Variants in CFAP91 observed in about 807,000 individuals in gnomAD.
CFAP91 encodes the protein cilia and flagella associated protein 91.
Under a neutral mutation model 95.9 loss-of-function variants are expected in CFAP91, and 85 were observed. The ratio of observed to expected loss-of-function variants is 0.89; its 90% CI spans 0.74 to 1.06. CFAP91 has a LOEUF of 1.06. CFAP91 is among the 50% of genes least tolerant of loss of function. The pLI is 0.00. For synonymous variants in CFAP91, 335 were observed against 327.5 expected, an observed-to-expected ratio of 1.02 and a Z score of -0.25; for missense variants, 962 against 943.4, an observed-to-expected ratio of 1.02 and a Z score of -0.26.
chr3:119,761,566 T>G (rs539428513), intron 17 of CFAP91, among the ~76,000 whole-genome samples: 57 of 151,900 alleles, frequency 3.8e-4, no homozygotes, highest in Non-Finnish European at 3.4e-4. Context: ...CCAATATCCC[T>G]GATTAACGTG....
At chr3:119,733,605 A>T in intron 10 of CFAP91, 99 bp downstream of exon 10, 1 of 1,221,546 alleles carries the variant, frequency 8.2e-7, no homozygotes, top group Middle Eastern at 2.1e-4. Context: ...GGTCAAACAT[A>T]GACCTACATT....
intron 17 of CFAP91, 70 bp downstream of exon 17, chr3:119,751,168 T>C: frequency 6.7e-7 from 1 of 1,490,118 alleles, no homozygotes. Context: ...AGCTTTGTGC[T>C]GTGCTCAAAC....
At chr3:119,713,521 T>C (rs890988089) in intron 5 of CFAP91, among the ~76,000 whole-genome samples, 2 of 152,158 alleles carry the variant, frequency 1.3e-5, no homozygotes, top group Admixed American at 6.5e-5. Flanking sequence ...CTCTTTGTTT[T>C]TGCCTTCATC....
At chr3:119,757,102 T>C (rs2054445936) in intron 17 of CFAP91, among the ~76,000 whole-genome samples, 2 of 152,062 alleles carry the variant, frequency 1.3e-5, no homozygotes, top group Non-Finnish European at 2.9e-5. Flanking sequence ...TATAGCAATA[T>C]TCATATCAAA....
Position 119,703,221 on chromosome 3 carries a change from C to A in CFAP91, c.123C>A (p.Tyr41Ter). Residue 41 changes from tyrosine (Y) to a stop codon, truncating the protein, a stop_gained and splice_region_variant, in exon 1 of 18, where the codon TAC becomes TAA. Transcript: ENST00000273390. LOFTEE classifies it high-confidence loss of function. ...CCAATCGAGCGTATGATTTTCTGTA[C>A]GGTAAGGACCGCCGCAGACCTTCCT... ...ISSNRAYDFLYDPLFIVSSEK... is the reference protein window; with the variant it reads ...ISSNRAYDFL 6.2e-7 allele frequency: 1 copy of A among 1,611,650 alleles called. No individual in the cohort carries two copies. Among genetic ancestry groups the A allele is most frequent in the South Asian group, 1.1e-5 (1 of 90,512 alleles).
intron 5 of CFAP91, among the ~76,000 whole-genome samples, chr3:119,713,433 A>T (rs1250808550): frequency 2.7e-5 from 4 of 149,006 alleles, no homozygotes; most frequent in Admixed American, 6.7e-5. Context: ...TTTTTTTTTT[A>T]AACATCTTTG....
rs1411231235 is a variant in CFAP91, at chr3:119,715,694, A to G, written c.633A>G (p.Val211=). 1 of 1,613,940 alleles carries G rather than the reference A, an allele frequency of 6.2e-7. No homozygotes were observed. Among genetic ancestry groups the G allele is most frequent in the African/African-American group, 1.3e-5 (1 of 74,920 alleles). The change falls in exon 6 of 18, where the codon GTA becomes GTG. Residue 211 remains valine, a synonymous_variant. Coordinates refer to ENST00000273390, the MANE Select transcript of CFAP91 (RefSeq NM_033364.4). ...ATCCATACTCTGCAGAATATGTAGT[A>G]TGTCAGGACTCAATCCCTGAGCTCT... ...QTDPYSAEYV[V]CQDSIPELLT... is the part of the protein sequence containing the mutation.
At chr3:119,749,515 C>G (rs964844059) in intron 16 of CFAP91, among the ~76,000 whole-genome samples, 8 of 151,576 alleles carry the variant, frequency 5.3e-5, no homozygotes, top group African/African-American at 1.9e-4. Context: ...AGAATGAGAC[C>G]CTGTCTAAAA....
At chr3:119,707,155 G>A (rs2107852087) in intron 2 of CFAP91, 3 of 540,542 alleles carry the variant, frequency 5.5e-6, no homozygotes, top group Non-Finnish European at 9.8e-6. Context: ...AAGAATTCAA[G>A]TAGTATAAAA....
Position 119,744,188 on chromosome 3 carries a change from T to A in CFAP91, c.1894T>A (p.Phe632Ile). 1 of 1,610,546 alleles carries A rather than the reference T, an allele frequency of 6.2e-7. No homozygotes were observed. The highest frequency in any genetic ancestry group is 8.5e-7 in the Non-Finnish European group (1 of 1,177,666). The change falls in exon 14 of 18, where the codon TTT (phenylalanine) becomes ATT (isoleucine). Residue 632 changes from phenylalanine (F) to isoleucine (I), a missense_variant. Physicochemically the swap from Phe to Ile is conservative, Grantham distance 21. Transcript: ENST00000273390. The part of the protein sequence containing the change: ...KQRLREEDEI[F>I]KEVVKVHHST... ...GCGCCTGCGGGAGGAGGACGAGATATTTAAGGAGGCAAGTAGGGGCAGCTG... is the reference window on the plus strand; with the variant it reads ...GCGCCTGCGGGAGGAGGACGAGATAATTAAGGAGGCAAGTAGGGGCAGCTG...
chr3:119,752,792 A>C (rs947027527), intron 17 of CFAP91, among the ~76,000 whole-genome samples: 1 of 152,224 alleles, frequency 6.6e-6, no homozygotes, highest in Non-Finnish European at 1.5e-5. Flanking sequence ...AATATATTTC[A>C]TTAAAGCCTA....
chr3:119,725,208 A>G (rs79040714), intron 6 of CFAP91, among the ~76,000 whole-genome samples: 5,507 of 152,240 alleles, frequency 0.036, 312 homozygotes, highest in African/African-American at 0.13. Context: ...GGTGCTAGGC[A>G]CCTAAGTGTG....
intron 17 of CFAP91, among the ~76,000 whole-genome samples, chr3:119,764,375 T>C (rs186898222): frequency 6.6e-4 from 101 of 152,266 alleles, no homozygotes; most frequent in African/African-American, 2.3e-3. Context: ...CATACTGTTA[T>C]ATAAAATTTA....
intron 12 of CFAP91, 33 bp downstream of exon 12, chr3:119,739,359 T>C (rs1577230071): frequency 6.2e-7 from 1 of 1,600,550 alleles, no homozygotes; most frequent in East Asian, 2.2e-5. Flanking sequence ...CCTGCATTTC[T>C]CTTTTGAGAA....
intron 1 of CFAP91, among the ~76,000 whole-genome samples, chr3:119,704,861 T>C (rs147243042): frequency 2.9e-4 from 44 of 152,364 alleles, no homozygotes; most frequent in African/African-American, 9.9e-4. Flanking sequence ...TGTTTAGATA[T>C]ACAAATACCA....
At chr3:119,748,177 AT>A (rs1007510818) in intron 16 of CFAP91, among the ~76,000 whole-genome samples, 8 of 152,150 alleles carry the variant, frequency 5.3e-5, no homozygotes, top group Non-Finnish European at 8.8e-5. Context: ...GAAGAGCTGT[AT>A]TTTTTTATTT....
In CFAP91 at chr3:119,709,908, T is replaced by G; in HGVS notation, c.500+13T>G. The G allele has an allele frequency of 6.3e-7, 1 of 1,588,630 alleles. No individual in the cohort carries two copies. Among genetic ancestry groups the G allele is most frequent in the Non-Finnish European group, 8.6e-7 (1 of 1,157,892 alleles). ...ATGCCGTATCCAAGTAAGTAACCAT[T>G]ATTTGAAAACTCTTTTTCAGTTTAT... On this transcript the variant is annotated intron_variant, in intron 5 of 17. Coordinates refer to ENST00000273390, the MANE Select transcript of CFAP91 (RefSeq NM_033364.4).
intron 5 of CFAP91, among the ~76,000 whole-genome samples, chr3:119,710,600 A>T (rs1176537928): frequency 6.6e-6 from 1 of 152,248 alleles, no homozygotes; most frequent in African/African-American, 2.4e-5. Flanking sequence ...GTTGTAGTTT[A>T]AAAAAGTTGA....
At chr3:119,762,997 C>T (rs186676152) in intron 17 of CFAP91, among the ~76,000 whole-genome samples, 319 of 152,026 alleles carry the variant, frequency 2.1e-3, no homozygotes, top group African/African-American at 7.3e-3. Context: ...AAAGTTTCAG[C>T]ACAGCAAAAA....
Sources: allele counts gnomAD v4.1 joint callset (sites outside exome capture counted in the v4.1 genomes callset), GRCh38; gene constraint gnomAD v4.1.1; transcripts MANE v1.5; gene names NCBI Gene and HGNC (gene_info 2026-07-23, HGNC 2026-07-21).